ZP3: variants seen among roughly 807,000 people sequenced by gnomAD.
The protein encoded by ZP3 is zona pellucida glycoprotein 3.
A neutral mutation model predicts 35.6 loss-of-function variants in ZP3; 21 were observed. The observed-to-expected ratio is 0.59, with a 90% confidence interval of 0.42 to 0.85. The LOEUF (loss-of-function observed/expected upper bound fraction) is 0.85. Among genes scored for constraint, ZP3 ranks in the 40% least tolerant of loss-of-function variants. The pLI, the probability that ZP3 is intolerant of heterozygous loss-of-function variation, is 0.00. For synonymous variants in ZP3, 207 were observed against 214.5 expected (o/e 0.96, Z 0.31); for missense variants, 437 against 536.5 (o/e 0.81, Z 1.83).
chr7:76,410,988 C>G (rs1418777754), intron 1 of ZP3, among the ~76,000 whole-genome samples: 1 of 119,508 alleles, frequency 8.4e-6, no homozygotes, highest in African/African-American at 3.8e-5. Context: ...GAGCAAGACT[C>G]CATCTCAAAA....
Position 76,397,686 on chromosome 7 carries a change from C to T in ZP3, c.-178C>T, listed in dbSNP as rs764647298. ...GCGTTGGTGGTGGCGGCCATGGCCG[C>T]CCCGCAGCCCAGCTGACGACAGACC... On this transcript the variant is annotated 5_prime_UTR_variant, in exon 1 of 9. Transcript: ENST00000336517. 6 of 1,613,288 alleles carry T rather than the reference C, an allele frequency of 3.7e-6. No individual in the cohort carries two copies. The East Asian group carries it at 1.3e-4, about 36-fold the overall frequency.
At chr7:76,411,014 A>AAAAAAAGG (rs1805230381) in intron 1 of ZP3, among the ~76,000 whole-genome samples, 1 of 44,094 alleles carries the variant, frequency 2.3e-5, no homozygotes, top group Non-Finnish European at 5.6e-5. Context: ...AAAAAAAAAA[A>AAAAAAAGG]AAAGAAAAGA....
chr7:76,416,911 C>CACACATAT (rs1425742060), intron 1 of ZP3, among the ~76,000 whole-genome samples: 4 of 138,328 alleles, frequency 2.9e-5, no homozygotes, highest in African/African-American at 1.1e-4. Context: ...CATATGTATA[C>CACACATAT]ATACATATAT....
At chr7:76,411,913 C>T (rs1233447600) in intron 1 of ZP3, among the ~76,000 whole-genome samples, 1 of 152,140 alleles carries the variant, frequency 6.6e-6, no homozygotes, top group Non-Finnish European at 1.5e-5. Flanking sequence ...TTTCCTTTAG[C>T]TGGGTGAGGT....
At chr7:76,418,664 A>G (rs563157871) in intron 1 of ZP3, among the ~76,000 whole-genome samples, 50 of 150,560 alleles carry the variant, frequency 3.3e-4, no homozygotes, top group East Asian at 1.4e-3. Flanking sequence ...AGACCATCCC[A>G]GCTAACACGG....
chr7:76,415,177 A>G (rs1584045234), intron 1 of ZP3, among the ~76,000 whole-genome samples: 1 of 151,578 alleles, frequency 6.6e-6, no homozygotes. Flanking sequence ...GGAATTCAAG[A>G]CCAGCCTGGC....
chr7:76,440,869 T>G (rs1292774947), intron 7 of ZP3, among the ~76,000 whole-genome samples: 3 of 152,050 alleles, frequency 2.0e-5, no homozygotes, highest in Non-Finnish European at 4.4e-5. Context: ...AGGGGAAATA[T>G]AGCAGTTGTT....
intron 1 of ZP3, among the ~76,000 whole-genome samples, chr7:76,419,186 G>A (rs1343803820): frequency 1.3e-5 from 2 of 152,142 alleles, no homozygotes; most frequent in Non-Finnish European, 2.9e-5. Context: ...ATTTATGAAA[G>A]TGGTCTAAAA....
chr7:76,425,339 C>T (rs999833786), intron 1 of ZP3, 63 bp downstream of exon 1: 56 of 1,511,040 alleles, frequency 3.7e-5, no homozygotes, highest in Non-Finnish European at 4.6e-5. Flanking sequence ...GGTATGGGGA[C>T]TGTGGCCACC....
chr7:76,416,826 A>G (rs1805381295), intron 1 of ZP3, among the ~76,000 whole-genome samples: 1 of 150,846 alleles, frequency 6.6e-6, no homozygotes, highest in Non-Finnish European at 1.5e-5. Context: ...CTATATATAT[A>G]TACATATACA....
chr7:76,419,711 C>T (rs76090273), intron 1 of ZP3, among the ~76,000 whole-genome samples: 4 of 100,562 alleles, frequency 4.0e-5, no homozygotes, highest in South Asian at 6.8e-4. Flanking sequence ...CTTCCTTCCT[C>T]CCTCCCTCTC....
chr7:76,425,586 C>A (rs992141641), intron 1 of ZP3, among the ~76,000 whole-genome samples: 14 of 152,094 alleles, frequency 9.2e-5, no homozygotes, highest in African/African-American at 3.4e-4. Context: ...ATAGGATAGC[C>A]CTGTGGGTAG....
chr7:76,410,523 A>C (rs1050336469), intron 1 of ZP3, among the ~76,000 whole-genome samples: 84 of 152,084 alleles, frequency 5.5e-4, no homozygotes, highest in African/African-American at 1.8e-3. Flanking sequence ...GGCCAAAAAA[A>C]AAAAATGTTG....
At chr7:76,407,027 C>G (rs904330452) in intron 1 of ZP3, among the ~76,000 whole-genome samples, 1 of 152,176 alleles carries the variant, frequency 6.6e-6, no homozygotes, top group Non-Finnish European at 1.5e-5. Flanking sequence ...GTGGCCTGAT[C>G]TCAGCTCACT....
At chr7:76,398,947 T>A (rs2115773083) in intron 1 of ZP3, 5 of 733,852 alleles carry the variant, frequency 6.8e-6, no homozygotes, top group South Asian at 5.4e-5. Context: ...CACTGGGGTA[T>A]GAGAGGAGAG....
chr7:76,406,929 A>G (rs1805053647), intron 1 of ZP3, among the ~76,000 whole-genome samples: 1 of 151,704 alleles, frequency 6.6e-6, no homozygotes, highest in South Asian at 2.1e-4. Flanking sequence ...TTCTCATTTT[A>G]TTGGCACATT....
At chr7:76,436,030 C>CTTTTTTTTTTTTTTTT (rs60553917) in intron 5 of ZP3, among the ~76,000 whole-genome samples, 3 of 74,248 alleles carry the variant, frequency 4.0e-5, no homozygotes, top group Non-Finnish European at 5.1e-5. Flanking sequence ...CCCCCGCCCC[C>CTTTTTTTTTTTTTTTT]TTTTTTTTTT....
intron 1 of ZP3, among the ~76,000 whole-genome samples, chr7:76,416,902 A>T (rs1021404525): frequency 3.5e-5 from 5 of 144,302 alleles, no homozygotes; most frequent in African/African-American, 1.3e-4. Flanking sequence ...ATACACATAC[A>T]TATGTATACA....
At chr7:76,397,784 C>T (rs1017469029) in exon 1 of ZP3, 7 of 1,609,804 alleles carry the variant, frequency 4.3e-6, no homozygotes, top group Non-Finnish European at 5.9e-6. Context: ...GATCTCCACT[C>T]GGCCCTGACA....
Sources: allele counts gnomAD v4.1 joint callset (sites outside exome capture counted in the v4.1 genomes callset), GRCh38; gene constraint gnomAD v4.1.1; transcripts MANE v1.5; gene names NCBI Gene and HGNC (gene_info 2026-07-23, HGNC 2026-07-21).